NDST4: variants seen among roughly 807,000 people sequenced by gnomAD.
NDST4 encodes N-deacetylase and N-sulfotransferase 4, also known as N-heparan sulfate sulfotransferase 4.
NDST4 carries 63 observed loss-of-function variants against 100.8 expected under a neutral mutation model. That is an observed-to-expected ratio of 0.62 (90% CI 0.51 to 0.77). NDST4 has a LOEUF of 0.77. Among genes scored for constraint, NDST4 ranks in the 30% least tolerant of loss-of-function variants. The probability of loss-of-function intolerance (pLI) is 0.00; values close to 1 mark genes in which losing one functional copy is unlikely to be tolerated. For missense variants in NDST4, 943 were observed against 1,018.4 expected, an observed-to-expected ratio of 0.93 and a Z score of 1.01; for synonymous variants, 377 against 361.8, an observed-to-expected ratio of 1.04 and a Z score of -0.48.
chr4:114,932,183 G>T (rs1725529707), intron 6 of NDST4, among the ~76,000 whole-genome samples: 1 of 151,740 alleles, frequency 6.6e-6, no homozygotes, highest in Non-Finnish European at 1.5e-5. Context: ...TGTAAAAATG[G>T]TTCAACATAT....
intron 2 of NDST4, among the ~76,000 whole-genome samples, chr4:115,063,540 T>C (rs1340635496): frequency 6.6e-6 from 1 of 151,990 alleles, no homozygotes; most frequent in East Asian, 1.9e-4. Flanking sequence ...TCTTTTTCTC[T>C]TTAGTCATTC....
At chr4:115,038,661 C>T (rs1414017301) in intron 2 of NDST4, among the ~76,000 whole-genome samples, 1 of 152,096 alleles carries the variant, frequency 6.6e-6, no homozygotes, top group Non-Finnish European at 1.5e-5. Flanking sequence ...ATGTGTTTTT[C>T]CCCTTGAAAA....
At chr4:114,980,864 T>G (rs1578428517) in intron 2 of NDST4, among the ~76,000 whole-genome samples, 1 of 152,136 alleles carries the variant, frequency 6.6e-6, no homozygotes, top group South Asian at 2.1e-4. Context: ...ATTATTTTAA[T>G]AAACATAACT....
chr4:114,982,591 T>C (rs899341506), intron 2 of NDST4, among the ~76,000 whole-genome samples: 3 of 152,044 alleles, frequency 2.0e-5, no homozygotes, highest in Non-Finnish European at 4.4e-5. Context: ...AATGGGAACT[T>C]ATATTTAAAA....
Position 115,076,283 on chromosome 4 carries a change from G to C in NDST4, c.754C>G (p.Leu252Val), listed in dbSNP as rs1729180352. Residue 252 changes from leucine to valine, a missense_variant, in exon 2 of 14, where the codon CTC becomes GTC. Transcript: ENST00000264363. ...KSLSSLSSKT[L>V]FATVIQDLGL... is the part of the protein sequence containing the mutation. ...AGATCCTGAATCACCGTTGCAAAGA[G>C]TGTTTTGCTAGACAAGGATGACAGG... 1 of 1,613,874 alleles carries C rather than the reference G, an allele frequency of 6.2e-7. No homozygotes were observed. Among genetic ancestry groups the C allele is most frequent in the African/African-American group, 1.3e-5 (1 of 74,930 alleles).
intron 2 of NDST4, among the ~76,000 whole-genome samples, chr4:115,011,871 C>G (rs891460552): frequency 6.6e-6 from 1 of 151,796 alleles, no homozygotes; most frequent in Non-Finnish European, 1.5e-5. Context: ...GTTCATGAAG[C>G]AGTGTTAATT....
chr4:115,075,190 T>G (rs1438721223), intron 2 of NDST4, among the ~76,000 whole-genome samples: 1 of 152,212 alleles, frequency 6.6e-6, no homozygotes, highest in African/African-American at 2.4e-5. Context: ...TACCTGAGGC[T>G]AATCCAATAC....
intron 11 of NDST4, among the ~76,000 whole-genome samples, chr4:114,838,730 TGGGTG>T (rs1723357169): frequency 6.6e-6 from 1 of 151,084 alleles, no homozygotes; most frequent in African/African-American, 2.4e-5. Context: ...GACGGATTGA[TGGGTG>T]GAGCGAACCA....
At chr4:114,905,520 T>C (rs1724932118) in intron 6 of NDST4, among the ~76,000 whole-genome samples, 1 of 151,918 alleles carries the variant, frequency 6.6e-6, no homozygotes, top group African/African-American at 2.4e-5. Context: ...TATAAAAATA[T>C]AAGTTATTTG....
intron 6 of NDST4, among the ~76,000 whole-genome samples, chr4:114,929,129 T>TATCTATCA (rs1725457642): frequency 6.8e-6 from 1 of 147,390 alleles, no homozygotes; most frequent in African/African-American, 2.5e-5. Context: ...TCTATCTATC[T>TATCTATCA]ATCTATCTAT....
At chr4:114,974,201 T>C (rs1454012675) in intron 3 of NDST4, among the ~76,000 whole-genome samples, 2 of 151,952 alleles carry the variant, frequency 1.3e-5, no homozygotes, top group Non-Finnish European at 2.9e-5. Context: ...TGGCAAAATG[T>C]CAGAATCTGG....
At chr4:114,943,686 A>T (rs1045966502) in intron 4 of NDST4, among the ~76,000 whole-genome samples, 3 of 152,192 alleles carry the variant, frequency 2.0e-5, no homozygotes, top group African/African-American at 2.4e-5. Flanking sequence ...CAAACAGTAT[A>T]CTAGAGCTTG....
chr4:115,081,199 A>G (rs1432207011), intron 1 of NDST4, among the ~76,000 whole-genome samples: 1 of 152,180 alleles, frequency 6.6e-6, no homozygotes, highest in East Asian at 1.9e-4. Flanking sequence ...AGTTAGAAGA[A>G]TGATAGATAC....
chr4:114,919,660 T>C (rs1385206409), intron 6 of NDST4, among the ~76,000 whole-genome samples: 1 of 152,152 alleles, frequency 6.6e-6, no homozygotes, highest in Non-Finnish European at 1.5e-5. Context: ...GAGTTTGAAG[T>C]TAATTTTAAG....
intron 2 of NDST4, among the ~76,000 whole-genome samples, chr4:115,054,333 A>G (rs2126280325): frequency 6.6e-6 from 1 of 152,210 alleles, no homozygotes; most frequent in South Asian, 2.1e-4. Flanking sequence ...GACAGAAACT[A>G]GCTGAACTGA....
intron 6 of NDST4, among the ~76,000 whole-genome samples, chr4:114,879,278 A>G (rs1724318048): frequency 6.6e-6 from 1 of 152,312 alleles, no homozygotes; most frequent in East Asian, 1.9e-4. Flanking sequence ...ATCCTAATAA[A>G]TGCAAGTTTT....
intron 6 of NDST4, among the ~76,000 whole-genome samples, chr4:114,887,772 C>T (rs1724510143): frequency 6.6e-6 from 1 of 152,086 alleles, no homozygotes. Context: ...TTAACTTTTT[C>T]ACCCTTTAGA....
chr4:114,887,275 A>G (rs1445916190), intron 6 of NDST4, among the ~76,000 whole-genome samples: 2 of 152,222 alleles, frequency 1.3e-5, no homozygotes, highest in African/African-American at 2.4e-5. Flanking sequence ...TAGTGTAAAA[A>G]TTGATAGACT....
chr4:114,857,294 T>C (rs1014743586), intron 7 of NDST4, among the ~76,000 whole-genome samples: 1 of 152,188 alleles, frequency 6.6e-6, no homozygotes, highest in East Asian at 1.9e-4. Flanking sequence ...GTCACTAATG[T>C]GATCAAGTGG....
Sources: gnomAD v4.1 joint callset for allele counts (sites outside exome capture counted in the v4.1 genomes callset) on GRCh38, gnomAD v4.1.1 for gene constraint, MANE v1.5 for transcripts, NCBI Gene and HGNC (gene_info 2026-07-23, HGNC 2026-07-21) for gene names.